GDF1: variants seen among roughly 807,000 people sequenced by gnomAD.
The protein encoded by GDF1 is growth differentiation factor 1, also known as embryonic growth/differentiation factor 1.
In GDF1, 8 loss-of-function variants were observed where a neutral mutation model predicts 7.4. The observed-to-expected ratio is 1.09, with a 90% CI of 0.64 to 1.96. GDF1 has a LOEUF of 1.96. Ranked by LOEUF, GDF1 falls within the 30% of genes most tolerant of loss-of-function variation. GDF1 has a pLI of 0.00. For missense variants in GDF1, 574 were observed against 551.5 expected (o/e 1.04, Z -0.41); for synonymous variants, 311 against 276.7 (o/e 1.12, Z -1.23).
At chr19:18,873,713 C>T (rs1478576402) in intron 6 of GDF1, among the ~76,000 whole-genome samples, 3 of 151,840 alleles carry the variant, frequency 2.0e-5, no homozygotes, top group Admixed American at 6.6e-5. Flanking sequence ...GTGGTGTACA[C>T]GCCTGTAATC....
intron 2 of GDF1, among the ~76,000 whole-genome samples, chr19:18,886,055 G>A (rs1040497367): frequency 6.6e-6 from 1 of 152,042 alleles, no homozygotes; most frequent in Non-Finnish European, 1.5e-5. Flanking sequence ...ACCCCACCAC[G>A]TCCACCTCCT....
chr19:18,879,092 C>G, intron 5 of GDF1, 53 bp from the exon 6 acceptor site: 1 of 1,600,092 alleles, frequency 6.2e-7, no homozygotes, highest in Non-Finnish European at 8.5e-7. Flanking sequence ...ACGCCACTGC[C>G]CTGCTGACAG....
intron 6 of GDF1, among the ~76,000 whole-genome samples, chr19:18,876,536 T>TTTTGTG (rs2056064132): frequency 7.0e-6 from 1 of 143,184 alleles, no homozygotes. Context: ...TTTGATTGGG[T>TTTTGTG]TGTGTGTGTG....
At chr19:18,881,018 C>T (rs965097680) in intron 3 of GDF1, among the ~76,000 whole-genome samples, 3 of 151,750 alleles carry the variant, frequency 2.0e-5, no homozygotes, top group African/African-American at 4.8e-5. Flanking sequence ...CCTTGCTGGC[C>T]CCTCCTCATC....
At position 18,868,668 on chromosome 19, in the gene GDF1, A is replaced by T; in HGVS notation, c.1048T>A (p.Phe350Ile). 1.3e-6 allele frequency: 2 copies of T among 1,574,482 alleles called. No homozygotes were observed. The highest frequency in any genetic ancestry group is 1.7e-6 in the Non-Finnish European group (2 of 1,159,932). The change falls in exon 8 of 8, where the codon TTT becomes ATT. Residue 350 changes from phenylalanine to isoleucine, a missense_variant. Transcript: ENST00000247005. ...AGCACCACGTTGTCGCTGTTGTCAAAGAAGAGCACGGAGATGGGCGACAGG... is the reference window on the plus strand; with the variant it reads ...AGCACCACGTTGTCGCTGTTGTCAATGAAGAGCACGGAGATGGGCGACAGG... ...ARLSPISVLF[F>I]DNSDNVVLRQ...
intron 6 of GDF1, among the ~76,000 whole-genome samples, chr19:18,875,189 T>C (rs1018659611): frequency 4.0e-5 from 6 of 151,334 alleles, no homozygotes; most frequent in South Asian, 2.1e-4. Flanking sequence ...TGGACTATGA[T>C]TGAGCCAGTG....
rs1041825781 is a variant in GDF1, at chr19:18,878,866, C to T, written c.-313+64G>A. 8.2e-6 allele frequency: 13 copies of T among 1,576,168 alleles called. No homozygotes were observed. Among genetic ancestry groups the T allele is most frequent in the African/African-American group, 2.7e-5 (2 of 74,138 alleles). On this transcript the variant is annotated intron_variant, in intron 6 of 7. Transcript: ENST00000247005. The surrounding 1 kb of genome is among the most constrained non-coding windows in gnomAD (Gnocchi z 4.6). ...CTGCTGGGTCTTGGGGGCCTGCCCA[C>T]GAACACGCTTGGACGGGTGACACTA...
chr19:18,870,637 C>A lies in GDF1; in HGVS notation c.-312-18G>T, dbSNP rs1276077638. ...GTGGCTTCCTGGGGGTCAGAACCGGCGCAGGTTAGCCTGGGAGCCCCACGC... is the reference window on the plus strand; with the variant it reads ...GTGGCTTCCTGGGGGTCAGAACCGGAGCAGGTTAGCCTGGGAGCCCCACGC... On this transcript the variant is annotated intron_variant, in intron 6 of 7. Coordinates refer to ENST00000247005, the MANE Select transcript of GDF1 (RefSeq NM_001492.6). This position sits in a 1 kb window ranked among gnomAD's most constrained non-coding sequence, Gnocchi z 5.1. 5 of 552,026 alleles carry A rather than the reference C, an allele frequency of 9.1e-6. No individual in the cohort carries two copies. The African/African-American group carries it at 9.9e-5, about 11-fold the overall frequency. The allele number at this position is 552,026 out of a possible 1,614,324, so 34.2% of individuals were successfully genotyped here.
chr19:18,875,546 A>G (rs2056045489), intron 6 of GDF1, among the ~76,000 whole-genome samples: 1 of 151,690 alleles, frequency 6.6e-6, no homozygotes, highest in Admixed American at 6.6e-5. Context: ...CTGTCTCAAA[A>G]AAAAAAAAAA....
rs1177139724 is a variant in GDF1, at chr19:18,893,633, T to C, written c.-1073-58A>G. 6.5e-6 allele frequency: 10 copies of C among 1,534,754 alleles called. No homozygotes were observed. The African/African-American group carries it at 1.2e-4, about 19-fold the overall frequency. On this transcript the variant is annotated intron_variant, in intron 1 of 7. Coordinates refer to ENST00000247005, the MANE Select transcript of GDF1 (RefSeq NM_001492.6). ...GTGCTGGGGGCCAGAGACTGCTCCTTTGGGGTGGGGAAACTGAGGCCCAGG... is the reference window on the plus strand; with the variant it reads ...GTGCTGGGGGCCAGAGACTGCTCCTCTGGGGTGGGGAAACTGAGGCCCAGG...
At chr19:18,881,513 C>CCCCA (rs2056208377) in intron 3 of GDF1, among the ~76,000 whole-genome samples, 1 of 152,068 alleles carries the variant, frequency 6.6e-6, no homozygotes, top group Non-Finnish European at 1.5e-5. Flanking sequence ...AGCCACCGTG[C>CCCCA]CCGGCCCCAT....
chr19:18,894,299 C>A (rs1054914632), intron 1 of GDF1, among the ~76,000 whole-genome samples: 3 of 151,952 alleles, frequency 2.0e-5, no homozygotes, highest in Non-Finnish European at 4.4e-5. Context: ...CCAAGCCCCA[C>A]CCCTGGACAA....
chr19:18,870,438 T>G lies in GDF1; in HGVS notation c.-131A>C. 5.7e-5 allele frequency: 41 copies of G among 725,376 alleles called. No homozygotes were observed. The highest frequency in any genetic ancestry group is 8.7e-5 in the South Asian group (4 of 46,218). The allele number at this position is 725,376 out of a possible 1,614,324, so 44.9% of individuals were successfully genotyped here. A position where few individuals can be genotyped will look rare whatever the true frequency, so the allele number is the denominator to read the frequency against. ...GCGTGGCCGGGAACTGGAGGCAGGATGAGGGGGCGGGGTCCCAGGGGAGGT... is the reference window on the plus strand; with the variant it reads ...GCGTGGCCGGGAACTGGAGGCAGGAGGAGGGGGCGGGGTCCCAGGGGAGGT... On this transcript the variant is annotated 5_prime_UTR_variant, in exon 7 of 8. Transcript: ENST00000247005. This position sits in a 1 kb window ranked among gnomAD's most constrained non-coding sequence, Gnocchi z 5.1.
chr19:18,893,278 G>A, intron 2 of GDF1, 138 bp downstream of exon 2: 1 of 901,110 alleles, frequency 1.1e-6, no homozygotes, highest in Non-Finnish European at 1.7e-6. Flanking sequence ...GCAGTGGCGT[G>A]CTCATAGCTC....
At chr19:18,882,699 T>C (rs1045451758) in intron 3 of GDF1, among the ~76,000 whole-genome samples, 4 of 149,322 alleles carry the variant, frequency 2.7e-5, no homozygotes, top group Non-Finnish European at 6.0e-5. Flanking sequence ...ATGTACGTGT[T>C]TGTTTATTTT....
At chr19:18,872,797 G>T (rs569936482) in intron 6 of GDF1, among the ~76,000 whole-genome samples, 2 of 151,532 alleles carry the variant, frequency 1.3e-5, no homozygotes, top group Admixed American at 1.3e-4. Flanking sequence ...TTACAGGCGT[G>T]AGCGCCGCGC....
At position 18,869,287 on chromosome 19, in the gene GDF1, G is replaced by C. The variant is rs1212578292; in HGVS notation, c.429C>G (p.Ser143Arg). 6.6e-7 allele frequency: 1 copy of C among 1,507,708 alleles called. No homozygotes were observed. The highest frequency in any genetic ancestry group is 2.1e-5 in the Admixed American group (1 of 48,596). The allele number at this position is 1,507,708 out of a possible 1,614,324, so 93.4% of individuals were successfully genotyped here. Residue 143 changes from serine (S) to arginine (R), a missense_variant, in exon 8 of 8, where the codon AGC becomes AGG. Transcript: ENST00000247005. ...CGAAACGCAGCTCCAGGCGGGCCCG[G>C]CTCGGGCGCTCAGCGGGTTCCACAG... The part of the protein sequence containing the change: ...LSAVEPAERP[S>R]RARLELRFAA...
At chr19:18,880,766 G>C (rs552872349) in intron 3 of GDF1, among the ~76,000 whole-genome samples, 12 of 151,638 alleles carry the variant, frequency 7.9e-5, no homozygotes, top group African/African-American at 1.7e-4. Context: ...TGGTGTGATC[G>C]GGCCCACTGC....
At chr19:18,879,208 C>A in intron 5 of GDF1, 33 bp downstream of exon 5, 1 of 1,612,218 alleles carries the variant, frequency 6.2e-7, no homozygotes, top group Non-Finnish European at 8.5e-7. Context: ...AGGACGGGAC[C>A]GCCACTGTGG....
Sources: allele counts gnomAD v4.1 joint callset (sites outside exome capture counted in the v4.1 genomes callset), GRCh38; gene constraint gnomAD v4.1.1; non-coding constraint Gnocchi (gnomAD v3.1); transcripts MANE v1.5; gene names NCBI Gene and HGNC (gene_info 2026-07-23, HGNC 2026-07-21).